The following SP140L variants were observed in gnomAD, a reference collection of about 807,000 sequenced individuals.
SP140L encodes the protein nuclear body protein SP140-like protein.
SP140L carries 64 observed loss-of-function variants against 84.3 expected under a neutral mutation model. The observed-to-expected ratio is 0.76, with a 90% CI of 0.62 to 0.94. The LOEUF (loss-of-function observed/expected upper bound fraction) is 0.94. Ranked by LOEUF, SP140L falls within the 40% of genes least tolerant of loss-of-function variation. The pLI, the probability that SP140L is intolerant of heterozygous loss-of-function variation, is 0.00. For missense variants in SP140L, 628 were observed against 692.5 expected (o/e 0.91, Z 1.05); for synonymous variants, 242 against 236.9 (o/e 1.02, Z -0.20).
chr2:230,346,348 C>T (rs2060208622), intron 2 of SP140L, among the ~76,000 whole-genome samples: 1 of 152,050 alleles, frequency 6.6e-6, no homozygotes, highest in Admixed American at 6.6e-5. Context: ...AATTATAATA[C>T]TTATTGGTGT....
chr2:230,328,976 T>TTG, intron 2 of SP140L, 145 bp downstream of exon 2: 2 of 1,291,380 alleles, frequency 1.5e-6, no homozygotes, highest in Non-Finnish European at 2.0e-6. Context: ...AGTTGAGGTG[T>TTG]TTGTCTTTTT....
chr2:230,340,130 CTCTTTG>C (rs1401329998), intron 2 of SP140L, among the ~76,000 whole-genome samples: 1 of 151,074 alleles, frequency 6.6e-6, no homozygotes, highest in Non-Finnish European at 1.5e-5. Context: ...GAGTCTAAGT[CTCTTTG>C]TAGGTCACTC....
chr2:230,359,646 A>G (rs1307080747), intron 4 of SP140L, among the ~76,000 whole-genome samples: 1 of 151,992 alleles, frequency 6.6e-6, no homozygotes, highest in African/African-American at 2.4e-5. Context: ...AGTTGAAGGA[A>G]GACCACAATT....
intron 2 of SP140L, 133 bp from the exon 3 acceptor site, chr2:230,357,672 G>A (rs942480573): frequency 2.5e-6 from 2 of 805,748 alleles, no homozygotes; most frequent in African/African-American, 1.7e-5. Flanking sequence ...ATTTATTCTG[G>A]GCTCTACTGA....
intron 2 of SP140L, among the ~76,000 whole-genome samples, chr2:230,357,066 AC>A (rs1166192657): frequency 1.3e-5 from 2 of 152,208 alleles, no homozygotes; most frequent in African/African-American, 4.8e-5. Context: ...CAGAGCAATA[AC>A]ATGATCAACT....
chr2:230,399,112 G>A (rs886696735), intron 14 of SP140L, among the ~76,000 whole-genome samples: 4 of 152,150 alleles, frequency 2.6e-5, no homozygotes, highest in South Asian at 2.1e-4. Flanking sequence ...AACGGCAAAG[G>A]GCTCTGTCAC....
At chr2:230,395,785 G>A (rs545453249) in intron 13 of SP140L, among the ~76,000 whole-genome samples, 60 of 152,292 alleles carry the variant, frequency 3.9e-4, no homozygotes, top group African/African-American at 1.2e-3. Flanking sequence ...AGAAGGGAAA[G>A]GTGCCAACTC....
At chr2:230,345,254 C>T (rs1007096482) in intron 2 of SP140L, among the ~76,000 whole-genome samples, 1 of 152,138 alleles carries the variant, frequency 6.6e-6, no homozygotes, top group African/African-American at 2.4e-5. Flanking sequence ...TATATTGACC[C>T]TCTTTGTCTT....
chr2:230,362,469 G>A (rs1240051954), intron 5 of SP140L, among the ~76,000 whole-genome samples: 2 of 152,144 alleles, frequency 1.3e-5, no homozygotes, highest in African/African-American at 4.8e-5. Flanking sequence ...ATGCACTCAT[G>A]TAGAGAGACT....
chr2:230,389,845 T>C, intron 10 of SP140L, 74 bp from the exon 11 acceptor site: 4 of 1,396,356 alleles, frequency 2.9e-6, no homozygotes, highest in Non-Finnish European at 4.0e-6. Flanking sequence ...TGTGCCTTTA[T>C]AGGATTTACC....
At chr2:230,341,559 A>G (rs1165859754) in intron 2 of SP140L, among the ~76,000 whole-genome samples, 2 of 151,188 alleles carry the variant, frequency 1.3e-5, no homozygotes, top group Non-Finnish European at 2.9e-5. Context: ...TTGGAGGAGG[A>G]GAGGTGCTCT....
chr2:230,391,324 A>G (rs2061796402), intron 11 of SP140L, among the ~76,000 whole-genome samples: 1 of 152,206 alleles, frequency 6.6e-6, no homozygotes, highest in African/African-American at 2.4e-5. Context: ...GCACTATTCT[A>G]TATTCCCACC....
At chr2:230,332,425 C>G (rs975541674) in intron 2 of SP140L, among the ~76,000 whole-genome samples, 7 of 152,178 alleles carry the variant, frequency 4.6e-5, no homozygotes, top group African/African-American at 1.7e-4. Flanking sequence ...AGATACAGCT[C>G]TTTGTAATTT....
chr2:230,381,134 G>T (rs985898017), intron 7 of SP140L, among the ~76,000 whole-genome samples: 1 of 147,086 alleles, frequency 6.8e-6, no homozygotes, highest in South Asian at 2.1e-4. Flanking sequence ...AACCCATGGG[G>T]TTTGCTAGCT....
chr2:230,342,364 G>A (rs139647804), intron 2 of SP140L, among the ~76,000 whole-genome samples: 1,740 of 152,282 alleles, frequency 0.011, 13 homozygotes, highest in Non-Finnish European at 0.016. Flanking sequence ...CGCACGGTGC[G>A]TGCACCCACT....
chr2:230,340,094 T>C (rs1188584291), intron 2 of SP140L, among the ~76,000 whole-genome samples: 1 of 149,036 alleles, frequency 6.7e-6, no homozygotes, highest in Non-Finnish European at 1.5e-5. Flanking sequence ...AGTGGGGTGT[T>C]AAAGTCTCCC....
intron 2 of SP140L, among the ~76,000 whole-genome samples, chr2:230,335,506 G>A (rs954848214): frequency 5.9e-5 from 9 of 152,138 alleles, no homozygotes; most frequent in African/African-American, 1.9e-4. Flanking sequence ...TGGGGAAGTC[G>A]TCCTCTGTCC....
At chr2:230,327,344 T>C in intron 1 of SP140L, 43 bp downstream of exon 1, 1 of 1,592,710 alleles carries the variant, frequency 6.3e-7, no homozygotes, top group African/African-American at 1.3e-5. Context: ...TCTCTGGCAG[T>C]ATTGGAGCTT....
intron 11 of SP140L, 94 bp downstream of exon 11, chr2:230,390,117 G>A: frequency 2.6e-6 from 3 of 1,167,438 alleles, no homozygotes; most frequent in Admixed American, 4.5e-5. Context: ...ATCATTCAAG[G>A]AGTTTTGGGC....
Sources: gnomAD v4.1 joint callset for allele counts (sites outside exome capture counted in the v4.1 genomes callset) on GRCh38, gnomAD v4.1.1 for gene constraint, MANE v1.5 for transcripts, NCBI Gene and HGNC (gene_info 2026-07-23, HGNC 2026-07-21) for gene names.